Variants in TMPRSS12 observed in about 807,000 individuals in gnomAD.
TMPRSS12 encodes the protein transmembrane serine protease 12.
A neutral mutation model predicts 26.0 loss-of-function variants in TMPRSS12; 25 were observed. The ratio of observed to expected loss-of-function variants is 0.96; its 90% CI spans 0.70 to 1.34. The LOEUF (loss-of-function observed/expected upper bound fraction) is 1.34. TMPRSS12 is among the 40% of genes most tolerant of loss of function. The probability of loss-of-function intolerance (pLI) is 0.00; values close to 1 mark genes in which losing one functional copy is unlikely to be tolerated. For synonymous variants in TMPRSS12, 150 were observed against 161.7 expected (o/e 0.93, Z 0.55); for missense variants, 441 against 440.1 (o/e 1.00, Z -0.02).
intron 3 of TMPRSS12, among the ~76,000 whole-genome samples, chr12:50,867,599 C>T (rs1938003808): frequency 6.6e-6 from 1 of 152,288 alleles, no homozygotes; most frequent in South Asian, 2.1e-4. Context: ...GAGACCTAGA[C>T]ATCCAAATAC....
At chr12:50,850,082 T>G (rs1160494209) in intron 2 of TMPRSS12, among the ~76,000 whole-genome samples, 1 of 152,322 alleles carries the variant, frequency 6.6e-6, no homozygotes, top group East Asian at 1.9e-4. Flanking sequence ...CACTACTATT[T>G]GTTTTTATTG....
intron 3 of TMPRSS12, among the ~76,000 whole-genome samples, chr12:50,875,216 A>G (rs889406258): frequency 2.6e-5 from 4 of 152,128 alleles, no homozygotes; most frequent in African/African-American, 9.7e-5. Context: ...AACATTGGAC[A>G]TGGTGACTCT....
chr12:50,849,535 A>T (rs544016504), intron 2 of TMPRSS12, among the ~76,000 whole-genome samples: 1 of 146,906 alleles, frequency 6.8e-6, no homozygotes, highest in South Asian at 2.2e-4. Context: ...TTTGTAGCCA[A>T]CCCCTGCCCC....
At position 50,858,689 on chromosome 12, in the gene TMPRSS12, T is replaced by C. The variant is rs574695081; in HGVS notation, c.384-96T>C. The stretch of plus-strand genomic sequence containing the variant: ...ACATGAAACTGGAATTAAAGTTTTT[T>C]ATTAATCTAACATGAGAAGAAAACT... On this transcript the variant is annotated intron_variant, in intron 2 of 4. Transcript: ENST00000398458. 3 of 992,176 alleles carry C rather than the reference T, an allele frequency of 3.0e-6. No homozygotes were observed. In the East Asian group the frequency reaches 8.7e-5, roughly 29 times the overall value. The allele number at this position is 992,176 out of a possible 1,614,324, so 61.5% of individuals were successfully genotyped here.
chr12:50,872,700 C>T (rs1183048198), intron 3 of TMPRSS12, among the ~76,000 whole-genome samples: 1 of 82,050 alleles, frequency 1.2e-5, no homozygotes, highest in Non-Finnish European at 2.4e-5. Flanking sequence ...ATATATATGA[C>T]GTATATGTGT....
At chr12:50,871,962 G>C (rs1345239043) in intron 3 of TMPRSS12, among the ~76,000 whole-genome samples, 2 of 151,690 alleles carry the variant, frequency 1.3e-5, no homozygotes, top group African/African-American at 4.8e-5. Flanking sequence ...CATGGATGTA[G>C]TGATCAGGGA....
chr12:50,857,784 G>GTTT (rs869239293), intron 2 of TMPRSS12, among the ~76,000 whole-genome samples: 1 of 133,004 alleles, frequency 7.5e-6, no homozygotes, highest in African/African-American at 3.0e-5. Flanking sequence ...TTCTGGTTTA[G>GTTT]TTTTTTGTTG....
intron 3 of TMPRSS12, among the ~76,000 whole-genome samples, chr12:50,875,164 C>A (rs1938101024): frequency 6.6e-6 from 1 of 152,040 alleles, no homozygotes; most frequent in South Asian, 2.1e-4. Flanking sequence ...AAGCTGGAAG[C>A]ATCACATTAC....
At chr12:50,845,749 A>G (rs1937761481) in intron 2 of TMPRSS12, among the ~76,000 whole-genome samples, 1 of 152,186 alleles carries the variant, frequency 6.6e-6, no homozygotes, top group Non-Finnish European at 1.5e-5. Context: ...TTAAAAGTAC[A>G]TCCAGAATAT....
chr12:50,869,176 CA>C (rs34723646), intron 3 of TMPRSS12, among the ~76,000 whole-genome samples: 97,672 of 149,554 alleles, frequency 0.65, 31,903 homozygotes, highest in Non-Finnish European at 0.71. Context: ...GAAATTGAAA[CA>C]AAAAAAAAAT....
At chr12:50,879,464 C>T (rs904201515) in intron 3 of TMPRSS12, among the ~76,000 whole-genome samples, 1 of 152,154 alleles carries the variant, frequency 6.6e-6, no homozygotes, top group African/African-American at 2.4e-5. Flanking sequence ...GCTAATTTGA[C>T]ATATTATTAT....
At chr12:50,871,055 C>T in intron 3 of TMPRSS12, among the ~76,000 whole-genome samples, 1 of 152,042 alleles carries the variant, frequency 6.6e-6, no homozygotes, top group Non-Finnish European at 1.5e-5. Context: ...CAATCCCCAT[C>T]AAAATACCAC....
chr12:50,849,531 G>C (rs894528736), intron 2 of TMPRSS12, among the ~76,000 whole-genome samples: 1 of 132,040 alleles, frequency 7.6e-6, no homozygotes, highest in Non-Finnish European at 1.7e-5. Context: ...ACCCTTTGTA[G>C]CCAACCCCTG....
intron 4 of TMPRSS12, 89 bp downstream of exon 4, chr12:50,885,477 T>A: frequency 7.1e-7 from 1 of 1,401,134 alleles, no homozygotes; most frequent in Non-Finnish European, 1.0e-6. Context: ...CTGGTGGTCT[T>A]AATTATCAGG....
chr12:50,869,961 T>G (rs1938026751), intron 3 of TMPRSS12, among the ~76,000 whole-genome samples: 2 of 152,142 alleles, frequency 1.3e-5, no homozygotes, highest in Non-Finnish European at 2.9e-5. Flanking sequence ...CAGGCGCCTG[T>G]AATCCCAGCT....
At chr12:50,853,321 A>G (rs541047500) in intron 2 of TMPRSS12, among the ~76,000 whole-genome samples, 1 of 152,292 alleles carries the variant, frequency 6.6e-6, no homozygotes, top group African/African-American at 2.4e-5. Flanking sequence ...GCAAACAGCT[A>G]AAGCAATGTT....
intron 3 of TMPRSS12, among the ~76,000 whole-genome samples, chr12:50,880,344 C>T (rs779489736): frequency 6.6e-6 from 1 of 152,136 alleles, no homozygotes; most frequent in African/African-American, 2.4e-5. Context: ...GAGCTATGAT[C>T]GCTGTACTAC....
chr12:50,884,656 G>C, intron 3 of TMPRSS12, among the ~76,000 whole-genome samples: 1 of 152,088 alleles, frequency 6.6e-6, no homozygotes, highest in East Asian at 1.9e-4. Context: ...TGGATCACTT[G>C]AAGTCAGGAG....
Position 50,867,721 on chromosome 12 carries a change from G to A in TMPRSS12, c.652+8668G>A, listed in dbSNP as rs562379458. On this transcript the variant is annotated intron_variant, in intron 3 of 4. Coordinates refer to ENST00000398458, the MANE Select transcript of TMPRSS12 (RefSeq NM_182559.3). ...AAGGAAAGAATCTTAAGAGCCGTGA[G>A]ACAAAAGCACTAGGTAACCTATAAA... Among the ~76,000 whole-genome samples the A allele has an allele frequency of 3.9e-5, 6 of 152,268 alleles. No homozygotes were observed. The East Asian group carries it at 1.2e-3, about 29-fold the overall frequency.
Sources: allele counts gnomAD v4.1 joint callset (sites outside exome capture counted in the v4.1 genomes callset), GRCh38; gene constraint gnomAD v4.1.1; transcripts MANE v1.5; gene names NCBI Gene and HGNC (gene_info 2026-07-23, HGNC 2026-07-21).